The following ZBTB46 variants were observed in gnomAD, a reference collection of about 807,000 sequenced individuals.
ZBTB46 encodes zinc finger and BTB domain containing 46.
Under a neutral mutation model 44.1 loss-of-function variants are expected in ZBTB46, and 8 were observed. The observed-to-expected ratio is 0.18, with a 90% CI of 0.11 to 0.33. The LOEUF (loss-of-function observed/expected upper bound fraction) is 0.33, where lower values mean the gene tolerates loss of function less well. Ranked by LOEUF, ZBTB46 falls within the 10% of genes least tolerant of loss-of-function variation. The probability of loss-of-function intolerance (pLI) is 1.00; values close to 1 mark genes in which losing one functional copy is unlikely to be tolerated. For missense variants in ZBTB46, 651 were observed against 847.7 expected, an observed-to-expected ratio of 0.77 and a Z score of 2.88; for synonymous variants, 409 against 382.3, an observed-to-expected ratio of 1.07 and a Z score of -0.81.
At chr20:63,809,708 TC>T (rs561890624) in intron 1 of ZBTB46, among the ~76,000 whole-genome samples, 251 of 152,144 alleles carry the variant, frequency 1.6e-3, no homozygotes, top group African/African-American at 5.9e-3. Flanking sequence ...ATGCCTGAAA[TC>T]CCAACGCTGA....
intron 1 of ZBTB46, among the ~76,000 whole-genome samples, chr20:63,796,848 A>T (rs900158794): frequency 2.0e-5 from 3 of 151,918 alleles, no homozygotes; most frequent in Non-Finnish European, 2.9e-5. Context: ...TAAAATAAAA[A>T]TAAAATAAAA....
chr20:63,793,288 G>T (rs1232796559), intron 1 of ZBTB46, among the ~76,000 whole-genome samples: 1 of 152,156 alleles, frequency 6.6e-6, no homozygotes, highest in Non-Finnish European at 1.5e-5. Flanking sequence ...TGGGGAGGGG[G>T]TCATGTGCTG....
At chr20:63,801,427 G>T (rs1225278410) in intron 1 of ZBTB46, among the ~76,000 whole-genome samples, 1 of 152,150 alleles carries the variant, frequency 6.6e-6, no homozygotes, top group Non-Finnish European at 1.5e-5. Context: ...AGACCAATCA[G>T]CTCTCTGTAA....
intron 4 of ZBTB46, among the ~76,000 whole-genome samples, chr20:63,750,794 T>C (rs2092152894): frequency 6.6e-6 from 1 of 151,952 alleles, no homozygotes; most frequent in South Asian, 2.1e-4. Context: ...TCCCAGCTAC[T>C]TGGGAGGCTG....
At chr20:63,794,094 G>A (rs972863113) in intron 1 of ZBTB46, among the ~76,000 whole-genome samples, 2 of 151,636 alleles carry the variant, frequency 1.3e-5, no homozygotes, top group South Asian at 2.1e-4. Context: ...GCTGAGGCAG[G>A]AGAATAGCGT....
At chr20:63,776,335 G>A (rs538390455) in intron 2 of ZBTB46, among the ~76,000 whole-genome samples, 7 of 152,356 alleles carry the variant, frequency 4.6e-5, no homozygotes, top group African/African-American at 1.7e-4. Flanking sequence ...ATCTCGCAAA[G>A]ACGAGGAGAG....
At chr20:63,817,971 T>C (rs1274305548) in intron 1 of ZBTB46, among the ~76,000 whole-genome samples, 1 of 152,132 alleles carries the variant, frequency 6.6e-6, no homozygotes, top group Non-Finnish European at 1.5e-5. Flanking sequence ...CTCTACCGTT[T>C]TCAGCCACTC....
At chr20:63,809,945 C>G (rs6010663) in intron 1 of ZBTB46, among the ~76,000 whole-genome samples, 14,829 of 149,650 alleles carry the variant, frequency 0.099, 1,194 homozygotes, top group African/African-American at 0.22. Context: ...ATGGGTGACA[C>G]AGCAAGGCCC....
intron 2 of ZBTB46, among the ~76,000 whole-genome samples, chr20:63,777,021 C>T (rs1056992110): frequency 4.7e-5 from 7 of 148,252 alleles, no homozygotes; most frequent in Non-Finnish European, 8.9e-5. Flanking sequence ...GCACACGCCA[C>T]GGTTCCACCA....
At chr20:63,759,069 A>G (rs967559768) in intron 3 of ZBTB46, among the ~76,000 whole-genome samples, 1 of 152,160 alleles carries the variant, frequency 6.6e-6, no homozygotes, top group Admixed American at 6.5e-5. Flanking sequence ...CTTCTCCTCC[A>G]TGAACATAGT....
rs953211773 is a variant in ZBTB46, at chr20:63,743,920, G to A, written c.*3010C>T. On this transcript the variant is annotated 3_prime_UTR_variant, in exon 5 of 5. Transcript: ENST00000245663. The stretch of plus-strand genomic sequence containing the variant: ...AAACACAGGTTTATAATAAGTAATA[G>A]GAAGTCAATATAATATAGATTATCC... 6.6e-6 allele frequency: 1 copy of A among 152,420 alleles called. No individual in the cohort carries two copies. Among genetic ancestry groups the A allele is most frequent in the Non-Finnish European group, 1.5e-5 (1 of 68,002 alleles). The allele number at this position is 152,420 out of a possible 1,614,324, so 9.4% of individuals were successfully genotyped here.
At chr20:63,753,651 C>T (rs2092192563) in intron 3 of ZBTB46, among the ~76,000 whole-genome samples, 1 of 152,258 alleles carries the variant, frequency 6.6e-6, no homozygotes, top group Admixed American at 6.5e-5. Flanking sequence ...AAGCCCGGTG[C>T]ACGCATGTGC....
chr20:63,815,316 ATGGGCACAGGTGCAGG>A (rs1433139046), intron 1 of ZBTB46: 5 of 205,774 alleles, frequency 2.4e-5, no homozygotes, highest in Admixed American at 7.2e-5. Flanking sequence ...GTGGGTGCAG[ATGGGCACAGGTGCAGG>A]TGGGCATAGG....
intron 3 of ZBTB46, among the ~76,000 whole-genome samples, chr20:63,755,243 G>A (rs2092209286): frequency 6.6e-6 from 1 of 152,222 alleles, no homozygotes; most frequent in Non-Finnish European, 1.5e-5. Flanking sequence ...CCATAACACA[G>A]CACCACAAAG....
At position 63,790,019 on chromosome 20, in the gene ZBTB46, T is replaced by C. The variant is rs774810767; in HGVS notation, c.739A>G (p.Lys247Glu). 8.1e-6 allele frequency: 13 copies of C among 1,613,922 alleles called. No homozygotes were observed. In the South Asian group the frequency reaches 1.4e-4, roughly 18 times the overall value. Residue 247 changes from lysine to glutamate, a missense_variant, in exon 2 of 5, where the codon AAG (lysine) becomes GAG (glutamate). By Grantham distance (56) the Lys-to-Glu change is moderately conservative (BLOSUM62 1). This residue lies in a region of ZBTB46 where 385 missense variants were observed against 423.3 expected (regional missense o/e 0.91). Transcript: ENST00000245663. ...AAAGAGTTCTGTACTGCACCGTCCT[T>C]GGCAGAAGGCAGCTCGCTCCCTCCG... The part of the protein sequence containing the change: ...QYGGSELPSA[K>E]DGAVQNSFSE...
At position 63,745,873 on chromosome 20, in the gene ZBTB46, G is replaced by A. The variant is rs1441585437; in HGVS notation, c.*1057C>T. On this transcript the variant is annotated 3_prime_UTR_variant, in exon 5 of 5. Transcript: ENST00000245663. ...CTGAAAACACAGCAAGAGGACTTGA[G>A]CACAAGCTAAAGGAAAAACAACCCT... The A allele has an allele frequency of 1.3e-5, 2 of 152,504 alleles. No individual in the cohort carries two copies. Among genetic ancestry groups the A allele is most frequent in the African/African-American group, 4.8e-5 (2 of 41,470 alleles). 9.4% of individuals were successfully genotyped at this position (152,504 alleles called of 1,614,324 possible). A position where few individuals can be genotyped will look rare whatever the true frequency, so the allele number is the denominator to read the frequency against.
chr20:63,829,176 T>TGGGTC, intron 1 of ZBTB46, among the ~76,000 whole-genome samples: 1 of 152,222 alleles, frequency 6.6e-6, no homozygotes, highest in Non-Finnish European at 1.5e-5. Flanking sequence ...CGCAGGGCAC[T>TGGGTC]GGGTCAGCCT....
At chr20:63,780,658 CG>C (rs2092461989) in intron 2 of ZBTB46, among the ~76,000 whole-genome samples, 1 of 150,714 alleles carries the variant, frequency 6.6e-6, no homozygotes, top group African/African-American at 2.4e-5. Context: ...AAAAATGAGC[CG>C]GGCGTGGTGG....
chr20:63,749,391 T>C (rs1353919370), intron 4 of ZBTB46, among the ~76,000 whole-genome samples: 1 of 152,126 alleles, frequency 6.6e-6, no homozygotes, highest in Non-Finnish European at 1.5e-5. Flanking sequence ...GGCTGGAGTG[T>C]AGTGTTGCCA....
Sources: allele counts gnomAD v4.1 joint callset (sites outside exome capture counted in the v4.1 genomes callset), GRCh38; gene constraint gnomAD v4.1.1; regional missense constraint gnomAD v4.1.1; transcripts MANE v1.5; gene names NCBI Gene and HGNC (gene_info 2026-07-23, HGNC 2026-07-21).